LRRC8D: variants seen among roughly 807,000 people sequenced by gnomAD.
LRRC8D encodes the protein volume-regulated anion channel subunit LRRC8D.
Under a neutral mutation model 55.8 loss-of-function variants are expected in LRRC8D, and 20 were observed. The ratio of observed to expected loss-of-function variants is 0.36; its 90% CI spans 0.25 to 0.52. The LOEUF (loss-of-function observed/expected upper bound fraction) is 0.52, where lower values mean the gene tolerates loss of function less well. LRRC8D is among the 20% of genes least tolerant of loss of function. The pLI is 0.93. For missense variants in LRRC8D, 651 were observed against 1,030.8 expected (o/e 0.63, Z 5.05); for synonymous variants, 352 against 377.0 (o/e 0.93, Z 0.77).
At chr1:89,850,920 T>C (rs897231062) in intron 2 of LRRC8D, among the ~76,000 whole-genome samples, 2 of 152,204 alleles carry the variant, frequency 1.3e-5, no homozygotes, top group Non-Finnish European at 2.9e-5. Context: ...ATGTGTTAAC[T>C]TTTTGCAGCT....
chr1:89,934,941 C>G lies in LRRC8D; in HGVS notation c.1873C>G (p.Leu625Val). ...KLVIHNDGTK[L>V]LVLNSLKKMM... Reference sequence around the variant, plus strand: ...AGTCATTCATAATGACGGCACTAAACTCTTGGTACTGAACAGCCTTAAGAA... The same window carrying G: ...AGTCATTCATAATGACGGCACTAAAGTCTTGGTACTGAACAGCCTTAAGAA... The change falls in exon 3 of 3, where the codon CTC (leucine) becomes GTC (valine). Residue 625 changes from leucine (L) to valine (V), a missense_variant. By Grantham distance (32) the Leu-to-Val change is conservative. Around this residue, in one of 5 missense-constraint regions of LRRC8D, gnomAD observed 338 missense variants for 479.4 expected, o/e 0.71. Coordinates refer to ENST00000337338, the MANE Select transcript of LRRC8D (RefSeq NM_001134479.2). The surrounding 1 kb of genome is among the most constrained non-coding windows in gnomAD (Gnocchi z 5.9). The G allele has an allele frequency of 6.2e-7, 1 of 1,614,150 alleles. No homozygotes were observed. Among genetic ancestry groups the G allele is most frequent in the East Asian group, 2.2e-5 (1 of 44,882 alleles).
chr1:89,909,710 C>T (rs942620458), intron 2 of LRRC8D, among the ~76,000 whole-genome samples: 15 of 151,896 alleles, frequency 9.9e-5, no homozygotes, highest in African/African-American at 3.4e-4. Flanking sequence ...ACTAAAAATA[C>T]AAAAACTTAG....
In LRRC8D at chr1:89,933,417, C is replaced by T. The variant is rs371224968; in HGVS notation, c.349C>T (p.Arg117Cys). ...PDIPLRATYPRTDFALPNQEA... is the reference protein window; with the variant it reads ...PDIPLRATYPCTDFALPNQEA... The stretch of plus-strand genomic sequence containing the variant: ...CATACCTCTCAGAGCCACATATCCT[C>T]GCACAGATTTCGCACTTCCAAATCA... The change falls in exon 3 of 3, where the codon CGC becomes TGC. Residue 117 changes from arginine (R) to cysteine (C), a missense_variant. Transcript: ENST00000337338. The surrounding 1 kb of genome is among the most constrained non-coding windows in gnomAD (Gnocchi z 7.0). 3.0e-5 allele frequency: 49 copies of T among 1,614,062 alleles called. No homozygotes were observed. The East Asian group carries it at 7.1e-4, about 23-fold the overall frequency.
intron 1 of LRRC8D, among the ~76,000 whole-genome samples, chr1:89,828,112 T>TGAAG (rs1347553962): frequency 6.6e-6 from 1 of 152,234 alleles, no homozygotes; most frequent in Non-Finnish European, 1.5e-5. Flanking sequence ...GGGTACTGAC[T>TGAAG]GAAGACACCT....
intron 2 of LRRC8D, among the ~76,000 whole-genome samples, chr1:89,855,946 A>T (rs1222149360): frequency 2.0e-5 from 3 of 152,178 alleles, no homozygotes; most frequent in African/African-American, 7.2e-5. Flanking sequence ...CACAAAAATA[A>T]GTCTAATGCT....
In LRRC8D at chr1:89,865,056, A is replaced by C. The variant is rs116738522; in HGVS notation, c.-3+21274A>C. Among the ~76,000 whole-genome samples the C allele has an allele frequency of 2.5e-3, 382 of 152,054 alleles. 2 individuals carry two copies. Among genetic ancestry groups the C allele is most frequent in the South Asian group, 8.9e-3 (43 of 4,814 alleles). ...GAACATTTTACATCTCCAACATTTC[A>C]CTTATTACATTGATTTGCCTTTTCT... On this transcript the variant is annotated intron_variant, in intron 2 of 2. Coordinates refer to ENST00000337338, the MANE Select transcript of LRRC8D (RefSeq NM_001134479.2).
chr1:89,852,879 G>C (rs971511629), intron 2 of LRRC8D, among the ~76,000 whole-genome samples: 13 of 152,180 alleles, frequency 8.5e-5, no homozygotes, highest in Non-Finnish European at 2.9e-5. Flanking sequence ...GGGAGAAGAG[G>C]CTGGAGGTGC....
At chr1:89,878,428 G>A (rs983711539) in intron 2 of LRRC8D, among the ~76,000 whole-genome samples, 1 of 152,188 alleles carries the variant, frequency 6.6e-6, no homozygotes, top group Admixed American at 6.5e-5. Context: ...ATGGCAAGAG[G>A]TATTTTCTTA....
intron 2 of LRRC8D, among the ~76,000 whole-genome samples, chr1:89,932,364 T>A (rs921099168): frequency 6.6e-6 from 1 of 152,192 alleles, no homozygotes; most frequent in Non-Finnish European, 1.5e-5. Flanking sequence ...GCTATATATA[T>A]TGATAAATCC....
chr1:89,901,413 A>G (rs1178318423), intron 2 of LRRC8D, among the ~76,000 whole-genome samples: 1 of 152,168 alleles, frequency 6.6e-6, no homozygotes, highest in African/African-American at 2.4e-5. Flanking sequence ...TTGTTTCTGA[A>G]GTTCTCTCTA....
intron 2 of LRRC8D, among the ~76,000 whole-genome samples, chr1:89,862,966 A>G (rs1236353336): frequency 1.3e-5 from 2 of 152,232 alleles, no homozygotes; most frequent in Non-Finnish European, 2.9e-5. Flanking sequence ...CAAAATAAAA[A>G]GGCTTTTAGT....
chr1:89,909,766 T>C (rs1269320659), intron 2 of LRRC8D, among the ~76,000 whole-genome samples: 3 of 149,922 alleles, frequency 2.0e-5, no homozygotes, highest in Non-Finnish European at 4.4e-5. Flanking sequence ...CTTAGGAGGC[T>C]GAGGCAAGAG....
intron 2 of LRRC8D, among the ~76,000 whole-genome samples, chr1:89,907,680 A>G (rs774558351): frequency 5.9e-5 from 9 of 152,178 alleles, no homozygotes; most frequent in Non-Finnish European, 1.0e-4. Context: ...GAATTATTTC[A>G]TGAGTCCCCC....
chr1:89,864,597 G>A (rs1481054935), intron 2 of LRRC8D, among the ~76,000 whole-genome samples: 1 of 152,082 alleles, frequency 6.6e-6, no homozygotes, highest in African/African-American at 2.4e-5. Flanking sequence ...TGCCTGGACT[G>A]CTGCAGCTGC....
At chr1:89,918,470 A>G (rs1474679122) in intron 2 of LRRC8D, among the ~76,000 whole-genome samples, 1 of 152,216 alleles carries the variant, frequency 6.6e-6, no homozygotes, top group Non-Finnish European at 1.5e-5. Flanking sequence ...GGACAAGGAA[A>G]AGGAGGCCTG....
At chr1:89,852,206 A>G (rs1370925811) in intron 2 of LRRC8D, among the ~76,000 whole-genome samples, 1 of 152,182 alleles carries the variant, frequency 6.6e-6, no homozygotes, top group Non-Finnish European at 1.5e-5. Flanking sequence ...TGTGCTTTAA[A>G]TGGGATTTAT....
At chr1:89,883,275 G>C (rs1052461014) in intron 2 of LRRC8D, among the ~76,000 whole-genome samples, 1 of 152,112 alleles carries the variant, frequency 6.6e-6, no homozygotes, top group Non-Finnish European at 1.5e-5. Context: ...TTATTTCAGA[G>C]GGTACTTTGA....
chr1:89,926,682 G>A (rs1353063335), intron 2 of LRRC8D, among the ~76,000 whole-genome samples: 2 of 152,172 alleles, frequency 1.3e-5, no homozygotes, highest in Non-Finnish European at 2.9e-5. Flanking sequence ...TGAGCCTCAG[G>A]TTTCCTCATA....
intron 1 of LRRC8D, among the ~76,000 whole-genome samples, chr1:89,831,053 G>A (rs1252667267): frequency 5.3e-5 from 8 of 151,708 alleles, no homozygotes; most frequent in South Asian, 2.1e-4. Flanking sequence ...TTACAGGTAC[G>A]CACCACCACA....
Sources: gnomAD v4.1 joint callset for allele counts (sites outside exome capture counted in the v4.1 genomes callset) on GRCh38, gnomAD v4.1.1 for gene constraint, gnomAD v4.1.1 regional missense constraint, Gnocchi (gnomAD v3.1) non-coding constraint, MANE v1.5 for transcripts, NCBI Gene and HGNC (gene_info 2026-07-23, HGNC 2026-07-21) for gene names.